Variants in ASCC1 observed in about 807,000 individuals in gnomAD.
The protein encoded by ASCC1 is ASC-1 complex subunit P50.
A neutral mutation model predicts 46.6 loss-of-function variants in ASCC1; 35 were observed. The ratio of observed to expected loss-of-function variants is 0.75; its 90% confidence interval spans 0.57 to 0.99. The LOEUF (loss-of-function observed/expected upper bound fraction) is 0.99, where lower values mean the gene tolerates loss of function less well. ASCC1 is among the 50% of genes least tolerant of loss of function. The pLI is 0.00. For synonymous variants in ASCC1, 143 were observed against 146.6 expected (o/e 0.98, Z 0.18); for missense variants, 376 against 428.7 (o/e 0.88, Z 1.09).
At chr10:72,145,571 T>C (rs942120195) in intron 7 of ASCC1, among the ~76,000 whole-genome samples, 24 of 152,220 alleles carry the variant, frequency 1.6e-4, no homozygotes. Flanking sequence ...AGGCTTTTTC[T>C]TTTAAGTTTC....
chr10:72,100,320 C>G (rs1841602004), intron 9 of ASCC1, among the ~76,000 whole-genome samples: 1 of 151,926 alleles, frequency 6.6e-6, no homozygotes, highest in African/African-American at 2.4e-5. Flanking sequence ...CCTCTGCCTC[C>G]CGGGTTCAAG....
intron 5 of ASCC1, among the ~76,000 whole-genome samples, chr10:72,181,343 G>A (rs1205960134): frequency 6.6e-6 from 1 of 152,146 alleles, no homozygotes; most frequent in East Asian, 1.9e-4. Flanking sequence ...AGATGGGACT[G>A]AAGAGGCTGA....
chr10:72,217,001 C>T (rs1388773455), upstream of ASCC1: 1 of 455,048 alleles, frequency 2.2e-6, no homozygotes, highest in African/African-American at 2.0e-5. Context: ...TCTCTATCTC[C>T]TGCATGACCT....
At chr10:72,211,329 TC>T (rs1312048708) in intron 2 of ASCC1, among the ~76,000 whole-genome samples, 3 of 152,084 alleles carry the variant, frequency 2.0e-5, no homozygotes, top group Non-Finnish European at 4.4e-5. Flanking sequence ...CAGTTGGCCC[TC>T]CATATCCAGG....
intron 5 of ASCC1, among the ~76,000 whole-genome samples, chr10:72,194,889 T>C (rs1197622776): frequency 6.6e-6 from 1 of 151,890 alleles, no homozygotes; most frequent in Non-Finnish European, 1.5e-5. Context: ...ATTACAGATA[T>C]GCGCCACCAG....
At chr10:72,136,712 ACT>A (rs1457157512) in intron 7 of ASCC1, among the ~76,000 whole-genome samples, 1 of 152,098 alleles carries the variant, frequency 6.6e-6, no homozygotes. Flanking sequence ...GCTGCTGCTC[ACT>A]CTTTGGGTCC....
chr10:72,167,220 G>C (rs993929728), intron 5 of ASCC1, among the ~76,000 whole-genome samples: 1 of 152,172 alleles, frequency 6.6e-6, no homozygotes, highest in Non-Finnish European at 1.5e-5. Context: ...CCACCAACTG[G>C]TGAATGAATA....
intron 9 of ASCC1, among the ~76,000 whole-genome samples, chr10:72,124,485 T>C (rs1393571617): frequency 6.6e-6 from 1 of 152,202 alleles, no homozygotes; most frequent in East Asian, 1.9e-4. Flanking sequence ...GCTATGCTTT[T>C]GAACAGTTAA....
chr10:72,120,268 G>C (rs1025726660), intron 9 of ASCC1, among the ~76,000 whole-genome samples: 2 of 152,154 alleles, frequency 1.3e-5, no homozygotes, highest in South Asian at 4.2e-4. Flanking sequence ...TAAAAATACT[G>C]TAACAAAAAT....
At chr10:72,191,224 ATTTTTTTT>A (rs1216894388) in intron 5 of ASCC1, among the ~76,000 whole-genome samples, 3 of 134,266 alleles carry the variant, frequency 2.2e-5, no homozygotes, top group Admixed American at 7.4e-5. Context: ...TGCCCAGCTA[ATTTTTTTT>A]TTTTTTGTAT....
At chr10:72,133,235 C>T (rs1319600074) in intron 7 of ASCC1, 54 bp from the exon 8 acceptor site, 30 of 1,583,586 alleles carry the variant, frequency 1.9e-5, no homozygotes, top group Non-Finnish European at 2.3e-5. Context: ...TCTGAACATG[C>T]GATTACCAAT....
rs112839830 is a variant in ASCC1, at chr10:72,202,205, G to A, written c.310+1222C>T. Among the ~76,000 whole-genome samples the A allele has an allele frequency of 7.8e-3, 1,181 of 152,202 alleles. 13 individuals carry two copies. Among genetic ancestry groups the A allele is most frequent in the African/African-American group, 0.026 (1,091 of 41,520 alleles). ...TCCATCGGCCAGACATGGTGCTCAC[G>A]CCTGTAATCCCAGCACTTTAGAAGG... On this transcript the variant is annotated intron_variant, in intron 4 of 9. Coordinates refer to ENST00000672957, the MANE Select transcript of ASCC1 (RefSeq NM_001198800.3).
At position 72,210,715 on chromosome 10, in the gene ASCC1, T is replaced by C. The variant is rs148684328; in HGVS notation, c.212+17A>G. Reference sequence around the variant, plus strand: ...CTGGAAGTGTCTTCCCATGAAACTGTTGGGGACATGACTCACTTATAGAGC... The same window carrying C: ...CTGGAAGTGTCTTCCCATGAAACTGCTGGGGACATGACTCACTTATAGAGC... On this transcript the variant is annotated intron_variant, in intron 3 of 9. Transcript: ENST00000672957. 1.2e-4 allele frequency: 201 copies of C among 1,610,558 alleles called. 1 individual carries two copies. The African/African-American group carries it at 1.9e-3, about 16-fold the overall frequency.
At chr10:72,123,413 A>C (rs544635658) in intron 9 of ASCC1, among the ~76,000 whole-genome samples, 2 of 152,174 alleles carry the variant, frequency 1.3e-5, no homozygotes, top group South Asian at 4.2e-4. Flanking sequence ...ATCAGGAGTG[A>C]ATCCTAATGT....
intron 9 of ASCC1, among the ~76,000 whole-genome samples, chr10:72,124,660 T>C (rs1379460873): frequency 1.3e-5 from 2 of 152,132 alleles, no homozygotes; most frequent in Non-Finnish European, 2.9e-5. Flanking sequence ...GCAGTGTGTC[T>C]TTAGGTCAGC....
At chr10:72,138,102 C>T (rs141027788) in intron 7 of ASCC1, among the ~76,000 whole-genome samples, 11 of 152,284 alleles carry the variant, frequency 7.2e-5, no homozygotes, top group African/African-American at 2.6e-4. Flanking sequence ...TGCCCTCAAA[C>T]GATCCACCTG....
intron 5 of ASCC1, among the ~76,000 whole-genome samples, chr10:72,189,314 A>C (rs978523676): frequency 6.6e-6 from 1 of 151,970 alleles, no homozygotes; most frequent in African/African-American, 2.4e-5. Flanking sequence ...AGGCTGAGGC[A>C]GGAGAATGGC....
intron 9 of ASCC1, among the ~76,000 whole-genome samples, chr10:72,126,295 C>T (rs1039381872): frequency 1.3e-5 from 2 of 152,158 alleles, no homozygotes; most frequent in East Asian, 1.9e-4. Context: ...AAATGGTCTC[C>T]AAGAACCTAG....
rs1359839013 is a variant in ASCC1 at position 72,133,122 on chromosome 10, T to G, written c.806A>C (p.Lys269Thr). ...ATGCAGTTTCACACTATTCCACTCT[T>G]TCACTATTAGTCCAGATGCCTGAAA... ...ERFQASGLIV[K>T]EWNSVKLHAT... The change falls in exon 8 of 10, where the codon AAA becomes ACA. Residue 269 changes from lysine to threonine, a missense_variant. Transcript: ENST00000672957. 6.2e-7 allele frequency: 1 copy of G among 1,614,118 alleles called. No homozygotes were observed. The highest frequency in any genetic ancestry group is 8.5e-7 in the Non-Finnish European group (1 of 1,179,930).
Sources: gnomAD v4.1 joint callset for allele counts (sites outside exome capture counted in the v4.1 genomes callset) on GRCh38, gnomAD v4.1.1 for gene constraint, MANE v1.5 for transcripts, NCBI Gene and HGNC (gene_info 2026-07-23, HGNC 2026-07-21) for gene names.